Variants in PIWIL2 observed in about 807,000 individuals in gnomAD.
PIWIL2 encodes piwi-like protein 2.
A neutral mutation model predicts 116.5 loss-of-function variants in PIWIL2; 81 were observed. That is an observed-to-expected ratio of 0.70 (90% CI 0.58 to 0.84). The LOEUF is 0.84. PIWIL2 is among the 40% of genes least tolerant of loss of function. The pLI is 0.00. For missense variants in PIWIL2, 1,272 were observed against 1,212.3 expected, an observed-to-expected ratio of 1.05 and a Z score of -0.73; for synonymous variants, 489 against 429.5, an observed-to-expected ratio of 1.14 and a Z score of -1.71.
At chr8:22,318,763 G>C (rs937516279) in intron 20 of PIWIL2, among the ~76,000 whole-genome samples, 3 of 152,306 alleles carry the variant, frequency 2.0e-5, no homozygotes, top group South Asian at 4.1e-4. Context: ...GCTTCAGCTT[G>C]TACAGATCAG....
intron 6 of PIWIL2, among the ~76,000 whole-genome samples, chr8:22,286,008 T>C (rs1830621026): frequency 6.6e-6 from 1 of 152,198 alleles, no homozygotes; most frequent in African/African-American, 2.4e-5. Context: ...GAAGGGCAGC[T>C]GCTAGTTGAT....
At chr8:22,290,050 T>G (rs1830724137) in intron 9 of PIWIL2, 123 bp downstream of exon 9, 1 of 739,988 alleles carries the variant, frequency 1.4e-6, no homozygotes, top group African/African-American at 1.8e-5. Flanking sequence ...GTTTATCAAT[T>G]AAATCTCTTC....
chr8:22,332,821 T>C (rs961820469), intron 20 of PIWIL2, among the ~76,000 whole-genome samples: 3 of 152,034 alleles, frequency 2.0e-5, no homozygotes, highest in African/African-American at 7.3e-5. Flanking sequence ...TGACTTACAC[T>C]GAAGGAAAAT....
chr8:22,341,809 T>G (rs1306713580), intron 20 of PIWIL2, among the ~76,000 whole-genome samples: 1 of 152,072 alleles, frequency 6.6e-6, no homozygotes, highest in Admixed American at 6.6e-5. Flanking sequence ...CAAAGGAAAT[T>G]AAAGCCTTGA....
At chr8:22,342,686 A>G (rs1050344975) in intron 20 of PIWIL2, among the ~76,000 whole-genome samples, 6 of 152,336 alleles carry the variant, frequency 3.9e-5, no homozygotes, top group South Asian at 4.1e-4. Flanking sequence ...TAGAAAATCT[A>G]GGTGGCTTTG....
At chr8:22,349,142 G>A (rs958763083) in intron 20 of PIWIL2, among the ~76,000 whole-genome samples, 2 of 146,394 alleles carry the variant, frequency 1.4e-5, no homozygotes, top group African/African-American at 2.5e-5. Context: ...TCTGCCCCCC[G>A]GGTTCAATGC....
intron 10 of PIWIL2, among the ~76,000 whole-genome samples, chr8:22,293,748 C>T (rs1465160396): frequency 6.6e-6 from 1 of 152,148 alleles, no homozygotes; most frequent in Admixed American, 6.5e-5. Flanking sequence ...CAAATCACTG[C>T]CTTATATGCT....
chr8:22,345,899 G>T (rs774038163), intron 20 of PIWIL2, among the ~76,000 whole-genome samples: 3 of 152,104 alleles, frequency 2.0e-5, no homozygotes, highest in Non-Finnish European at 4.4e-5. Context: ...GAGACAAAGC[G>T]CATTAGTAGG....
intron 20 of PIWIL2, among the ~76,000 whole-genome samples, chr8:22,350,006 A>G (rs1465423668): frequency 6.6e-6 from 1 of 152,148 alleles, no homozygotes; most frequent in African/African-American, 2.4e-5. Flanking sequence ...CCAGTGGGTG[A>G]TATATAAAGG....
At chr8:22,302,191 C>CT (rs201462013) in intron 10 of PIWIL2, among the ~76,000 whole-genome samples, 133 of 150,628 alleles carry the variant, frequency 8.8e-4, no homozygotes, top group Non-Finnish European at 1.4e-3. Flanking sequence ...TCTGATTTTT[C>CT]TTTTTTTTTG....
chr8:22,341,321 C>T (rs1176888830), intron 20 of PIWIL2, among the ~76,000 whole-genome samples: 1 of 151,410 alleles, frequency 6.6e-6, no homozygotes. Flanking sequence ...AAAGTCCAGG[C>T]GCGGTGGCTC....
At chr8:22,316,469 T>C in intron 19 of PIWIL2, 136 bp downstream of exon 19, 1 of 613,736 alleles carries the variant, frequency 1.6e-6, no homozygotes, top group Non-Finnish European at 2.8e-6. Context: ...TCTATCTTCA[T>C]GTGAATTTTT....
chr8:22,278,721 A>G (rs1395736734), intron 1 of PIWIL2, among the ~76,000 whole-genome samples: 1 of 152,198 alleles, frequency 6.6e-6, no homozygotes, highest in Non-Finnish European at 1.5e-5. Flanking sequence ...CAAATGAGCA[A>G]AGCTTCATCT....
intron 16 of PIWIL2, 85 bp downstream of exon 16, chr8:22,311,385 C>G: frequency 9.0e-7 from 1 of 1,109,554 alleles, no homozygotes; most frequent in Non-Finnish European, 1.3e-6. Flanking sequence ...GGTTATCAGT[C>G]TGCTGTTGAT....
Position 22,294,899 on chromosome 8 carries a change from G to GAAAA in PIWIL2, c.1181+4553_1181+4554insAAAA, listed in dbSNP as rs375806332. Among the ~76,000 whole-genome samples, 296 of 79,374 alleles carry GAAAA rather than the reference G, an allele frequency of 3.7e-3. 63 individuals are homozygous for GAAAA. The highest frequency in any genetic ancestry group is 0.016 in the Middle Eastern group (2 of 128). 52.1% of individuals were successfully genotyped at this position (79,374 alleles called of 152,430 possible). A position where few individuals can be genotyped will look rare whatever the true frequency, so the allele number is the denominator to read the frequency against. ...AACATGGTGAAATCCCATCTTTACT[G>GAAAA]GAAAAAAAAAAAAAAAAAAAAAAAA... On this transcript the variant is annotated intron_variant, in intron 10 of 22. Transcript: ENST00000356766.
intron 4 of PIWIL2, 53 bp downstream of exon 4, chr8:22,281,568 G>C: frequency 6.9e-7 from 1 of 1,439,156 alleles, no homozygotes; most frequent in Non-Finnish European, 9.3e-7. Context: ...GAATATCTCT[G>C]TAAGTTCAGA....
At chr8:22,347,116 G>A (rs192783080) in intron 20 of PIWIL2, among the ~76,000 whole-genome samples, 27 of 149,398 alleles carry the variant, frequency 1.8e-4, no homozygotes, top group African/African-American at 6.7e-4. Context: ...GACTGCATGA[G>A]CCATCATCAC....
chr8:22,348,334 G>A (rs1832275915), intron 20 of PIWIL2, among the ~76,000 whole-genome samples: 2 of 152,086 alleles, frequency 1.3e-5, no homozygotes, highest in Admixed American at 6.6e-5. Flanking sequence ...TGAGATAAGT[G>A]CAGTGGCTCA....
At chr8:22,316,546 A>G (rs1405665644) in intron 19 of PIWIL2, among the ~76,000 whole-genome samples, 3 of 151,626 alleles carry the variant, frequency 2.0e-5, no homozygotes, top group Non-Finnish European at 2.9e-5. Flanking sequence ...CAGTGGTGCT[A>G]TCTTAGCTCA....
Sources: gnomAD v4.1 joint callset for allele counts (sites outside exome capture counted in the v4.1 genomes callset) on GRCh38, gnomAD v4.1.1 for gene constraint, MANE v1.5 for transcripts, NCBI Gene and HGNC (gene_info 2026-07-23, HGNC 2026-07-21) for gene names.